SEPTIN6: variants seen among roughly 807,000 people sequenced by gnomAD.
SEPTIN6 encodes septin 6.
Under a neutral mutation model 33.6 loss-of-function variants are expected in SEPTIN6, and 8 were observed. That is an observed-to-expected ratio of 0.24 (90% CI 0.14 to 0.43). SEPTIN6 has a LOEUF of 0.43. Ranked by LOEUF, SEPTIN6 falls within the 20% of genes least tolerant of loss-of-function variation. The probability of loss-of-function intolerance (pLI) is 1.00; values close to 1 mark genes in which losing one functional copy is unlikely to be tolerated. For synonymous variants in SEPTIN6, 131 were observed against 140.0 expected (o/e 0.94, Z 0.45); for missense variants, 250 against 340.8 (o/e 0.73, Z 2.10).
Position 119,684,504 on chromosome X carries a change from T to TC in SEPTIN6, c.30+8571dup, listed in dbSNP as rs1419443080. Among the ~76,000 whole-genome samples the TC allele has an allele frequency of 5.1e-5, 5 of 98,042 alleles. No homozygotes were observed. The Admixed American group carries it at 5.5e-4, about 11-fold the overall frequency. The allele number at this position is 98,042 out of a possible 115,157, so 85.1% of individuals were successfully genotyped here. A position where few individuals can be genotyped will look rare whatever the true frequency, so the allele number is the denominator to read the frequency against. On this transcript the variant is annotated intron_variant, in intron 1 of 10. Coordinates refer to ENST00000394610, the MANE Select transcript of SEPTIN6 (RefSeq NM_145799.4). ...GAGGTTTTTTTTTTTTTTTTTTTTT[T>TC]CTGAGATGGAGTCTCACTCTGTCTC...
At chrX:119,616,809 G>T, downstream of SEPTIN6, 2 of 1,093,725 alleles carry the variant, frequency 1.8e-6, no homozygotes, top group Non-Finnish European at 1.2e-6. Context: ...TTCAAAGTAA[G>T]ACAGGGGGAG....
Position 119,625,341 on chromosome X carries a change from C to G in SEPTIN6, c.*35G>C. ...TAGAGTTAATCAAGCTTACCAGGAC[C>G]CTGGGTCTCATGCAGCATGCAGCAA... On this transcript the variant is annotated 3_prime_UTR_variant, in exon 10 of 11. Coordinates refer to ENST00000394610, the MANE Select transcript of SEPTIN6 (RefSeq NM_145799.4). The G allele has an allele frequency of 8.3e-7, 1 of 1,203,185 alleles. No homozygotes were observed. The highest frequency in any genetic ancestry group is 1.1e-6 in the Non-Finnish European group (1 of 888,022).
intron 8 of SEPTIN6, among the ~76,000 whole-genome samples, chrX:119,633,007 T>A (rs1365921166): frequency 8.9e-6 from 1 of 112,700 alleles, no homozygotes; most frequent in Non-Finnish European, 1.9e-5. Context: ...CTAAAGAACA[T>A]CCTCTGATTC....
intron 3 of SEPTIN6, among the ~76,000 whole-genome samples, chrX:119,659,653 T>C (rs1389452996): frequency 1.8e-5 from 2 of 111,733 alleles, no homozygotes; most frequent in Non-Finnish European, 3.8e-5. Context: ...CTAAGGTAGG[T>C]AGTATTATTA....
intron 1 of SEPTIN6, among the ~76,000 whole-genome samples, chrX:119,676,486 A>G (rs2054843852): frequency 9.5e-6 from 1 of 105,387 alleles, no homozygotes; most frequent in South Asian, 4.1e-4. Context: ...AAAATCAATT[A>G]TTGGCTGGCG....
intron 5 of SEPTIN6, among the ~76,000 whole-genome samples, chrX:119,646,313 T>C (rs1415759604): frequency 1.8e-5 from 2 of 111,619 alleles, no homozygotes; most frequent in Non-Finnish European, 3.8e-5. Flanking sequence ...TGTTCAGCCA[T>C]GTGTTCTCAC....
chrX:119,631,237 G>A (rs2053954687), intron 8 of SEPTIN6, among the ~76,000 whole-genome samples: 1 of 103,754 alleles, frequency 9.6e-6, no homozygotes, highest in Non-Finnish European at 2.0e-5. Context: ...CTGGAGTGCA[G>A]TGGCACAATC....
chrX:119,619,972 C>A lies in SEPTIN6; in HGVS notation c.*121G>T. 8.3e-7 allele frequency: 1 copy of A among 1,200,075 alleles called. No homozygotes were observed. The highest frequency in any genetic ancestry group is 1.1e-6 in the Non-Finnish European group (1 of 891,375). On this transcript the variant is annotated 3_prime_UTR_variant, in exon 11 of 11. Coordinates refer to ENST00000394610, the MANE Select transcript of SEPTIN6 (RefSeq NM_145799.4). The stretch of plus-strand genomic sequence containing the variant: ...GGCGCGGGTTGGATTGTATGCCCCC[C>A]AGGCATGTTAAGGGGGAAATTAGAG...
At chrX:119,636,889 G>A in intron 7 of SEPTIN6, 138 bp downstream of exon 7, 1 of 693,742 alleles carries the variant, frequency 1.4e-6, no homozygotes, top group Non-Finnish European at 2.1e-6. Flanking sequence ...GAACTGGCAA[G>A]TGAGTCGCCC....
chrX:119,654,071 AAAAC>A (rs985988168), intron 3 of SEPTIN6, among the ~76,000 whole-genome samples: 47 of 110,540 alleles, frequency 4.3e-4, no homozygotes, highest in Non-Finnish European at 7.4e-4. Flanking sequence ...CCCATCTCCA[AAAAC>A]AAACAAACAA....
chrX:119,621,858 C>G (rs2147437799), intron 10 of SEPTIN6, among the ~76,000 whole-genome samples: 1 of 108,542 alleles, frequency 9.2e-6, no homozygotes, highest in Non-Finnish European at 1.9e-5. Flanking sequence ...AGGCTGGTCT[C>G]CAACTCCTGG....
At chrX:119,687,687 C>G (rs190350343) in intron 1 of SEPTIN6, among the ~76,000 whole-genome samples, 134 of 112,189 alleles carry the variant, frequency 1.2e-3, no homozygotes, top group African/African-American at 3.9e-3. Flanking sequence ...TTTGGGAATA[C>G]CTTTTTCCAG....
chrX:119,692,938 G>C, intron 1 of SEPTIN6, 138 bp downstream of exon 1: 1 of 617,153 alleles, frequency 1.6e-6, no homozygotes, highest in Non-Finnish European at 2.6e-6. Context: ...TGCTGACCCC[G>C]GGAGCAGAAG....
intron 10 of SEPTIN6, among the ~76,000 whole-genome samples, chrX:119,620,681 C>T (rs902340197): frequency 9.4e-6 from 1 of 106,227 alleles, no homozygotes; most frequent in African/African-American, 3.4e-5. Context: ...GTGCAGTGGC[C>T]GTGATCTTGG....
rs2053682275 is a variant in SEPTIN6, at chrX:119,617,383, C to T, written c.*2710G>A. ...TGATCAACTTTTTAATTTATGTTCA[C>T]TCATGGGTTCGATTTTTGTTCACCA... is the stretch of plus-strand genomic sequence containing the variant. On this transcript the variant is annotated 3_prime_UTR_variant, in exon 11 of 11. Transcript: ENST00000394610. The T allele has an allele frequency of 1.2e-6, 1 of 803,817 alleles. No homozygotes were observed. The highest frequency in any genetic ancestry group is 6.3e-4 in the Middle Eastern group (1 of 1,585). The allele number at this position is 803,817 out of a possible 1,213,427, so 66.2% of individuals were successfully genotyped here.
chrX:119,660,320 C>T (rs2054516290), intron 3 of SEPTIN6, among the ~76,000 whole-genome samples: 1 of 112,520 alleles, frequency 8.9e-6, no homozygotes, highest in African/African-American at 3.2e-5. Flanking sequence ...TAACATGGCC[C>T]TAACAGCATG....
chrX:119,685,915 C>T (rs779368611), intron 1 of SEPTIN6, among the ~76,000 whole-genome samples: 2 of 111,194 alleles, frequency 1.8e-5, no homozygotes, highest in Non-Finnish European at 3.8e-5. Flanking sequence ...TTGACTGCGG[C>T]CTAAGTCTCA....
At chrX:119,624,795 C>T (rs1056351972) in intron 10 of SEPTIN6, among the ~76,000 whole-genome samples, 2 of 111,394 alleles carry the variant, frequency 1.8e-5, no homozygotes, top group Non-Finnish European at 3.8e-5. Context: ...CTGCAACCTC[C>T]GCCTCCCAGG....
At chrX:119,657,215 T>G (rs6646443) in intron 3 of SEPTIN6, among the ~76,000 whole-genome samples, 1 of 98,801 alleles carries the variant, frequency 1.0e-5, no homozygotes, top group South Asian at 4.7e-4. Context: ...TGAGATTCCG[T>G]CTCAAAAAAA....
Sources: allele counts gnomAD v4.1 joint callset (sites outside exome capture counted in the v4.1 genomes callset), GRCh38; gene constraint gnomAD v4.1.1; transcripts MANE v1.5; gene names NCBI Gene and HGNC (gene_info 2026-07-23, HGNC 2026-07-21).